Variants in NAA11 observed in about 807,000 individuals in gnomAD.
NAA11 encodes the protein N-alpha-acetyltransferase 11, NatA catalytic subunit.
Under a neutral mutation model 16.1 loss-of-function variants are expected in NAA11, and 15 were observed. The ratio of observed to expected loss-of-function variants is 0.93; its 90% CI spans 0.62 to 1.44. The LOEUF is 1.44. Ranked by LOEUF, NAA11 falls within the 40% of genes most tolerant of loss-of-function variation. The pLI is 0.00. For missense variants in NAA11, 298 were observed against 291.3 expected (o/e 1.02, Z -0.17); for synonymous variants, 122 against 112.4 (o/e 1.09, Z -0.54).
downstream of NAA11, among the ~76,000 whole-genome samples, chr4:79,316,387 A>C (rs975919342): frequency 6.6e-6 from 1 of 152,208 alleles, no homozygotes; most frequent in Non-Finnish European, 1.5e-5. Context: ...ATGTAGGGAA[A>C]AACTTTTATA....
At chr4:79,204,391 G>A in the NAA11 span, among the ~76,000 whole-genome samples, 1 of 151,740 alleles carries the variant, frequency 6.6e-6, no homozygotes. Context: ...GAAAAATCAG[G>A]TTACTACACA....
intron 2 of NAA11, among the ~76,000 whole-genome samples, chr4:79,288,652 T>C (rs1339834027): frequency 6.6e-6 from 1 of 152,202 alleles, no homozygotes; most frequent in East Asian, 1.9e-4. Flanking sequence ...CTTGGCTTTA[T>C]AGATATCATT....
chr4:79,194,415 A>T, the NAA11 span, among the ~76,000 whole-genome samples: 1 of 152,116 alleles, frequency 6.6e-6, no homozygotes. Context: ...ATAAAAGTTA[A>T]GAAAGGCTTT....
the NAA11 span, among the ~76,000 whole-genome samples, chr4:79,184,485 A>G: frequency 6.6e-6 from 1 of 152,222 alleles, no homozygotes; most frequent in Non-Finnish European, 1.5e-5. Context: ...AGTAAGTAAT[A>G]TAAGAACTTC....
intron 1 of NAA11, among the ~76,000 whole-genome samples, chr4:79,309,570 A>G (rs974614587): frequency 6.6e-6 from 1 of 152,114 alleles, no homozygotes; most frequent in Non-Finnish European, 1.5e-5. Flanking sequence ...TGTTAGGAAG[A>G]TATTTGTTTT....
chr4:79,311,053 T>C (rs1723755736), intron 1 of NAA11, among the ~76,000 whole-genome samples: 1 of 152,142 alleles, frequency 6.6e-6, no homozygotes, highest in Non-Finnish European at 1.5e-5. Flanking sequence ...AGGTTTATAA[T>C]TTATAAAGCT....
At chr4:79,256,651 A>ATATAAATATATATATATATATAAAT (rs1722113513) in intron 2 of NAA11, among the ~76,000 whole-genome samples, 2 of 130,768 alleles carry the variant, frequency 1.5e-5, no homozygotes, top group African/African-American at 6.1e-5. Flanking sequence ...TATAAATATA[A>ATATAAATATATATATATATATAAAT]ATATATATAT....
chr4:79,177,949 A>C, the NAA11 span, among the ~76,000 whole-genome samples: 9 of 152,252 alleles, frequency 5.9e-5, no homozygotes, highest in South Asian at 1.9e-3. Context: ...ACTTTTGGAG[A>C]TATTTCTCAT....
chr4:79,257,431 T>A (rs1245994011), intron 2 of NAA11, among the ~76,000 whole-genome samples: 1 of 151,748 alleles, frequency 6.6e-6, no homozygotes, highest in Non-Finnish European at 1.5e-5. Flanking sequence ...TTGCAAGAGA[T>A]TTTTTTTTAA....
chr4:79,283,338 A>G (rs1032932698), intron 2 of NAA11, among the ~76,000 whole-genome samples: 1 of 152,068 alleles, frequency 6.6e-6, no homozygotes, highest in African/African-American at 2.4e-5. Flanking sequence ...ATGGAGGAAG[A>G]AAAGTTAATA....
downstream of NAA11, among the ~76,000 whole-genome samples, chr4:79,224,604 A>AGGGGTGATTTG (rs1475002813): frequency 6.6e-6 from 1 of 152,022 alleles, no homozygotes; most frequent in East Asian, 1.9e-4. Flanking sequence ...CAGAGATCAG[A>AGGGGTGATTTG]GGGGTGATTT....
intron 2 of NAA11, among the ~76,000 whole-genome samples, chr4:79,237,503 C>T (rs1286558132): frequency 6.6e-6 from 1 of 152,142 alleles, no homozygotes; most frequent in Non-Finnish European, 1.5e-5. Flanking sequence ...AAGTATAATA[C>T]ACACCACAAT....
the NAA11 span, among the ~76,000 whole-genome samples, chr4:79,167,826 A>G: frequency 6.6e-6 from 1 of 152,014 alleles, no homozygotes; most frequent in East Asian, 1.9e-4. Flanking sequence ...AAAGGAAGAG[A>G]GAGATGGGGA....
At chr4:79,193,056 C>T in the NAA11 span, among the ~76,000 whole-genome samples, 1 of 151,842 alleles carries the variant, frequency 6.6e-6, no homozygotes, top group African/African-American at 2.4e-5. Context: ...ATATCCTTTG[C>T]CCACTTTTTG....
chr4:79,239,170 G>A (rs1721638041), intron 2 of NAA11, among the ~76,000 whole-genome samples: 1 of 152,118 alleles, frequency 6.6e-6, no homozygotes, highest in Non-Finnish European at 1.5e-5. Context: ...ATGAATCTAG[G>A]GAGTCTTGTA....
intron 2 of NAA11, among the ~76,000 whole-genome samples, chr4:79,233,212 C>G (rs952639253): frequency 6.6e-6 from 1 of 151,870 alleles, no homozygotes; most frequent in Non-Finnish European, 1.5e-5. Context: ...GAACAGAAAG[C>G]TAGCCACCTT....
chr4:79,173,244 G>A, the NAA11 span, among the ~76,000 whole-genome samples: 1 of 152,082 alleles, frequency 6.6e-6, no homozygotes, highest in Non-Finnish European at 1.5e-5. Flanking sequence ...AGTGGCTCAG[G>A]CAACATTGAT....
At chr4:79,195,704 G>C in the NAA11 span, 2 of 152,012 alleles carry the variant, frequency 1.3e-5, no homozygotes, top group African/African-American at 4.8e-5. Flanking sequence ...ATTCCCATTT[G>C]TCCTGGGAGG....
chr4:79,236,809 T>C (rs1721581235), intron 2 of NAA11, among the ~76,000 whole-genome samples: 2 of 152,128 alleles, frequency 1.3e-5, no homozygotes, highest in African/African-American at 2.4e-5. Context: ...CAGAGGAGCT[T>C]AACACTTCAT....
Sources: gnomAD v4.1 joint callset for allele counts (sites outside exome capture counted in the v4.1 genomes callset) on GRCh38, gnomAD v4.1.1 for gene constraint, MANE v1.5 for transcripts, NCBI Gene and HGNC (gene_info 2026-07-23, HGNC 2026-07-21) for gene names.